The following FTO variants were observed in gnomAD, a reference collection of about 807,000 sequenced individuals.
FTO encodes alpha-ketoglutarate-dependent dioxygenase FTO.
In FTO, 47 loss-of-function variants were observed where a neutral mutation model predicts 63.9. That is an observed-to-expected ratio of 0.74 (90% CI 0.58 to 0.94). FTO has a LOEUF of 0.94. Among genes scored for constraint, FTO ranks in the 40% least tolerant of loss-of-function variants. FTO has a pLI of 0.00. For missense variants in FTO, 562 were observed against 618.1 expected, an observed-to-expected ratio of 0.91 and a Z score of 0.96; for synonymous variants, 207 against 224.4, an observed-to-expected ratio of 0.92 and a Z score of 0.69.
intron 8 of FTO, among the ~76,000 whole-genome samples, chr16:53,958,405 G>T (rs1014744859): frequency 5.3e-5 from 8 of 152,190 alleles, no homozygotes; most frequent in Non-Finnish European, 1.0e-4. Flanking sequence ...TCGGCGGGCA[G>T]CCTGGGAAGC....
rs148818637 is a variant in FTO at position 54,091,043 on chromosome 16, C to T, written c.1365-20719C>T. 1.7e-3 allele frequency among the ~76,000 whole-genome samples: 260 copies of T among 152,252 alleles called. 2 individuals are homozygous for T. Among genetic ancestry groups the T allele is most frequent in the African/African-American group, 6.1e-3 (252 of 41,546 alleles). On this transcript the variant is annotated intron_variant, in intron 8 of 8. Coordinates refer to ENST00000471389, the MANE Select transcript of FTO (RefSeq NM_001080432.3). ...TTTTAAGGAAATGGCCCAGAGTCAC[C>T]TGTGCCGTGATCTGTTGTTGAAAGC...
intron 8 of FTO, among the ~76,000 whole-genome samples, chr16:54,074,138 T>C (rs2085933312): frequency 6.6e-6 from 1 of 152,118 alleles, no homozygotes; most frequent in Admixed American, 6.6e-5. Context: ...TTTGACGTTA[T>C]GAAGATATCC....
At chr16:54,038,913 A>T (rs2085007467) in intron 8 of FTO, among the ~76,000 whole-genome samples, 1 of 152,154 alleles carries the variant, frequency 6.6e-6, no homozygotes, top group Non-Finnish European at 1.5e-5. Context: ...AACAACACAA[A>T]ATAAACTAAT....
At position 53,707,552 on chromosome 16, in the gene FTO, C is replaced by A. The variant is rs991134840; in HGVS notation, c.45+3323C>A. Among the ~76,000 whole-genome samples the A allele has an allele frequency of 3.9e-5, 6 of 152,188 alleles. No homozygotes were observed. The East Asian group carries it at 9.6e-4, about 24-fold the overall frequency. The stretch of plus-strand genomic sequence containing the variant: ...CTGCACCCTTTTACATTCCTACCAA[C>A]TGTTAGTAGGAATGTAAAATGAGAG... On this transcript the variant is annotated intron_variant, in intron 1 of 8. Coordinates refer to ENST00000471389, the MANE Select transcript of FTO (RefSeq NM_001080432.3).
chr16:53,754,637 CA>C (rs796567179), intron 1 of FTO, among the ~76,000 whole-genome samples: 11 of 142,494 alleles, frequency 7.7e-5, no homozygotes, highest in African/African-American at 1.5e-4. Flanking sequence ...GACTTCGTCT[CA>C]AAAAAAAAAG....
At chr16:54,084,339 G>T (rs367653675) in intron 8 of FTO, among the ~76,000 whole-genome samples, 1 of 152,106 alleles carries the variant, frequency 6.6e-6, no homozygotes, top group Non-Finnish European at 1.5e-5. Context: ...CTTTTCCAAG[G>T]ACAAATGTGT....
At chr16:53,760,621 CTTTTTTTTT>C (rs1169039527) in intron 1 of FTO, among the ~76,000 whole-genome samples, 6 of 112,040 alleles carry the variant, frequency 5.4e-5, no homozygotes, top group Non-Finnish European at 1.1e-4. Context: ...TGCTTGCTTT[CTTTTTTTTT>C]TTTTTTTTTT....
intron 1 of FTO, among the ~76,000 whole-genome samples, chr16:53,744,164 C>T (rs1246818833): frequency 6.6e-6 from 1 of 152,114 alleles, no homozygotes; most frequent in Non-Finnish European, 1.5e-5. Flanking sequence ...ATGCAGCACC[C>T]ATTATCATAG....
chr16:53,901,040 A>G (rs2151925985), intron 7 of FTO, among the ~76,000 whole-genome samples: 1 of 152,342 alleles, frequency 6.6e-6, no homozygotes, highest in Non-Finnish European at 1.5e-5. Context: ...TGCAACTAAA[A>G]ATAAAATGAA....
chr16:53,861,926 A>G (rs73607629), intron 4 of FTO, among the ~76,000 whole-genome samples: 8,385 of 152,120 alleles, frequency 0.055, 780 homozygotes, highest in African/African-American at 0.19. Flanking sequence ...TTGATTGGCT[A>G]TAGGATTCTT....
rs556357629 is a variant in FTO at position 53,815,636 on chromosome 16, G to GT, written c.123+5449dup. 6.7e-3 allele frequency among the ~76,000 whole-genome samples: 655 copies of GT among 98,074 alleles called. 75 individuals are homozygous for GT. Among genetic ancestry groups the GT allele is most frequent in the East Asian group, 0.034 (87 of 2,568 alleles). The allele number at this position is 98,074 out of a possible 152,430, so 64.3% of individuals were successfully genotyped here. ...ACCCTATAAGGCCATTGACTTTCTTGTTTTTTTTTTTTTTTTTTTTTTTTT... is the reference window on the plus strand; with the variant it reads ...ACCCTATAAGGCCATTGACTTTCTTGTTTTTTTTTTTTTTTTTTTTTTTTTT... On this transcript the variant is annotated intron_variant, in intron 2 of 8. Transcript: ENST00000471389.
Position 54,106,442 on chromosome 16 carries a change from G to C in FTO, c.1365-5320G>C, listed in dbSNP as rs374842221. Among the ~76,000 whole-genome samples, 401 of 146,196 alleles carry C rather than the reference G, an allele frequency of 2.7e-3. 2 individuals carry two copies. The highest frequency in any genetic ancestry group is 0.015 in the Middle Eastern group (4 of 266). Reference sequence around the variant, plus strand: ...AATTTAGGAAGGAGAGAGAGAAAAAGTATATATATAATATATATACTTTAT... The same window carrying C: ...AATTTAGGAAGGAGAGAGAGAAAAACTATATATATAATATATATACTTTAT... On this transcript the variant is annotated intron_variant, in intron 8 of 8. Coordinates refer to ENST00000471389, the MANE Select transcript of FTO (RefSeq NM_001080432.3).
rs867056277 is a variant in FTO, at chr16:54,041,641, T to A, written c.1365-70121T>A. On this transcript the variant is annotated intron_variant, in intron 8 of 8. Transcript: ENST00000471389. ...TCTGGCTGCCCTGCTGTCATATGAGTCCATAGGGGGCAAAGGTGAGGCTTT... is the reference window on the plus strand; with the variant it reads ...TCTGGCTGCCCTGCTGTCATATGAGACCATAGGGGGCAAAGGTGAGGCTTT... Among the ~76,000 whole-genome samples, 7 of 152,180 alleles carry A rather than the reference T, an allele frequency of 4.6e-5. No homozygotes were observed. In the South Asian group the frequency reaches 1.5e-3, roughly 32 times the overall value.
At chr16:53,841,914 G>C (rs1190555329) in intron 3 of FTO, among the ~76,000 whole-genome samples, 1 of 152,192 alleles carries the variant, frequency 6.6e-6, no homozygotes, top group Non-Finnish European at 1.5e-5. Flanking sequence ...TTCTGCTCTA[G>C]TTCTGTCGTT....
At chr16:53,862,538 C>CTTG (rs2080204791) in intron 4 of FTO, among the ~76,000 whole-genome samples, 1 of 130,402 alleles carries the variant, frequency 7.7e-6, no homozygotes, top group African/African-American at 2.9e-5. Flanking sequence ...CTGTATCTTA[C>CTTG]TTTTTTTTTT....
chr16:54,011,933 C>G (rs2084344425), intron 8 of FTO, among the ~76,000 whole-genome samples: 1 of 152,112 alleles, frequency 6.6e-6, no homozygotes, highest in Admixed American at 6.5e-5. Context: ...CTTCCCTATT[C>G]CTTGAGACAC....
intron 1 of FTO, among the ~76,000 whole-genome samples, chr16:53,709,544 G>A (rs1401013264): frequency 3.3e-5 from 5 of 152,200 alleles, no homozygotes; most frequent in African/African-American, 1.2e-4. Context: ...TCCAGGGGTA[G>A]AGTAGCATGC....
intron 8 of FTO, among the ~76,000 whole-genome samples, chr16:54,094,402 C>A (rs1365649596): frequency 2.6e-5 from 4 of 152,154 alleles, no homozygotes; most frequent in African/African-American, 9.7e-5. Flanking sequence ...TTGGCCTGCT[C>A]TCTATTGAAC....
chr16:53,782,929 C>A (rs1363708426), intron 1 of FTO, among the ~76,000 whole-genome samples: 1 of 152,126 alleles, frequency 6.6e-6, no homozygotes, highest in Non-Finnish European at 1.5e-5. Flanking sequence ...ATCCTTAGAG[C>A]CTTGTGTGTA....
Sources: allele counts gnomAD v4.1 joint callset (sites outside exome capture counted in the v4.1 genomes callset), GRCh38; gene constraint gnomAD v4.1.1; transcripts MANE v1.5; gene names NCBI Gene and HGNC (gene_info 2026-07-23, HGNC 2026-07-21).